COL9A1: variants seen among roughly 807,000 people sequenced by gnomAD.
The protein encoded by COL9A1 is collagen type IX alpha 1 chain.
COL9A1 carries 104 observed loss-of-function variants against 142.6 expected under a neutral mutation model. The ratio of observed to expected loss-of-function variants is 0.73; its 90% confidence interval spans 0.62 to 0.86. The LOEUF is 0.86. COL9A1 is among the 40% of genes least tolerant of loss of function. The pLI, the probability that COL9A1 is intolerant of heterozygous loss-of-function variation, is 0.00. For synonymous variants in COL9A1, 466 were observed against 396.0 expected, an observed-to-expected ratio of 1.18 and a Z score of -2.10; for missense variants, 1,210 against 1,176.6, an observed-to-expected ratio of 1.03 and a Z score of -0.42.
chr6:70,267,339 T>TTTTTTTTTTTTTG (rs1583295271), intron 17 of COL9A1, among the ~76,000 whole-genome samples: 1 of 150,084 alleles, frequency 6.7e-6, no homozygotes. Context: ...TTTTTTTTTT[T>TTTTTTTTTTTTTG]GAGATGGAGC....
chr6:70,255,041 T>C lies in COL9A1; in HGVS notation c.1612-25A>G, dbSNP rs142559198. 812 of 1,613,978 alleles carry C rather than the reference T, an allele frequency of 5.0e-4. 6 individuals are homozygous for C. The African/African-American group carries it at 8.1e-3, about 16-fold the overall frequency. ...CCTAAACACACACAAAGAAACATAC[T>C]GTCTCTTACACACAGTCACATTCTT... On this transcript the variant is annotated intron_variant, in intron 23 of 37. Coordinates refer to ENST00000357250, the MANE Select transcript of COL9A1 (RefSeq NM_001851.6).
chr6:70,226,910 C>T (rs1769265726), intron 36 of COL9A1, among the ~76,000 whole-genome samples: 2 of 151,970 alleles, frequency 1.3e-5, no homozygotes, highest in African/African-American at 4.8e-5. Context: ...AGAAAAGCAA[C>T]ATGAAGGGAA....
rs553728775 is a variant in COL9A1 at position 70,266,470 on chromosome 6, G to C, written c.1341+247C>G. 2.0e-5 allele frequency among the ~76,000 whole-genome samples: 3 copies of C among 152,170 alleles called. No individual in the cohort carries two copies. The South Asian group carries it at 6.2e-4, about 32-fold the overall frequency. ...TGATTGATTTGAAAAGAAAAGAAAA[G>C]GTAGTGACAGAAAAAAATGAAAATG... On this transcript the variant is annotated intron_variant, in intron 18 of 37. Transcript: ENST00000357250.
intron 20 of COL9A1, among the ~76,000 whole-genome samples, chr6:70,259,534 G>A (rs1438872466): frequency 6.6e-6 from 1 of 152,130 alleles, no homozygotes; most frequent in Non-Finnish European, 1.5e-5. Context: ...ATGCTGTGAT[G>A]ATAATCACTC....
intron 10 of COL9A1, chr6:70,280,217 A>T (rs1164907384): frequency 1.0e-6 from 1 of 990,860 alleles, no homozygotes; most frequent in African/African-American, 1.7e-5. Flanking sequence ...TCTGCCAGTA[A>T]TGCCAGCCAG....
At chr6:70,261,047 C>T (rs1393146389) in intron 19 of COL9A1, 3 of 226,426 alleles carry the variant, frequency 1.3e-5, no homozygotes, top group African/African-American at 2.3e-5. Flanking sequence ...CTATCATTCC[C>T]ACTTCCTTCA....
chr6:70,292,862 A>G (rs539425758), intron 5 of COL9A1, among the ~76,000 whole-genome samples: 1 of 152,298 alleles, frequency 6.6e-6, no homozygotes, highest in South Asian at 2.1e-4. Flanking sequence ...CAGTAGTCCA[A>G]TCGGCTTTCT....
intron 33 of COL9A1, among the ~76,000 whole-genome samples, chr6:70,236,112 CAAAAAAAAAAAAAA>C (rs368419095): frequency 6.1e-5 from 3 of 49,012 alleles, no homozygotes; most frequent in East Asian, 1.6e-3. Flanking sequence ...GACTCCATCT[CAAAAAAAAAAAAAA>C]AAAAAAAAAA....
At chr6:70,230,680 A>G (rs1478549289) in intron 36 of COL9A1, among the ~76,000 whole-genome samples, 2 of 152,176 alleles carry the variant, frequency 1.3e-5, no homozygotes, top group African/African-American at 4.8e-5. Flanking sequence ...AGCTTCCCCA[A>G]ACTATTCACC....
At chr6:70,249,874 T>C (rs996486080) in intron 28 of COL9A1, among the ~76,000 whole-genome samples, 5 of 152,118 alleles carry the variant, frequency 3.3e-5, no homozygotes, top group African/African-American at 1.2e-4. Context: ...CTCTCCCTAC[T>C]CCATGTCATG....
At chr6:70,232,535 T>A in intron 36 of COL9A1, 48 bp downstream of exon 36, 1 of 1,589,454 alleles carries the variant, frequency 6.3e-7, no homozygotes. Context: ...AGATTATACA[T>A]CTGAAAAAGG....
intron 7 of COL9A1, among the ~76,000 whole-genome samples, chr6:70,281,778 C>T (rs1773183771): frequency 6.6e-6 from 1 of 152,088 alleles, no homozygotes; most frequent in Non-Finnish European, 1.5e-5. Flanking sequence ...GGTCTAACGC[C>T]TTTGTATCCT....
intron 14 of COL9A1, among the ~76,000 whole-genome samples, chr6:70,270,578 A>C (rs1205215264): frequency 1.3e-5 from 2 of 152,226 alleles, no homozygotes; most frequent in African/African-American, 4.8e-5. Context: ...CCGAGGTAAT[A>C]AAACAAGTCA....
rs1770261041 is a variant in COL9A1 at position 70,241,553 on chromosome 6, A to C, written c.1999-99T>G. 3.0e-6 allele frequency: 3 copies of C among 983,818 alleles called. No individual in the cohort carries two copies. In the Admixed American group the frequency reaches 5.4e-5, roughly 18 times the overall value. The allele number at this position is 983,818 out of a possible 1,614,324, so 60.9% of individuals were successfully genotyped here. On this transcript the variant is annotated intron_variant, in intron 30 of 37. Coordinates refer to ENST00000357250, the MANE Select transcript of COL9A1 (RefSeq NM_001851.6). ...TGGGTGGATAAGCACAAGTACGGAT[A>C]ATGTGATGGGAGAGGACGTTCCCAC...
intron 10 of COL9A1, among the ~76,000 whole-genome samples, chr6:70,278,944 T>C (rs1772937990): frequency 6.6e-6 from 1 of 152,164 alleles, no homozygotes; most frequent in South Asian, 2.1e-4. Flanking sequence ...ACTATTAAAT[T>C]GGGGGACAGA....
chr6:70,218,751 A>C (rs1298157420), intron 37 of COL9A1, among the ~76,000 whole-genome samples: 1 of 116,606 alleles, frequency 8.6e-6, no homozygotes, highest in Admixed American at 9.4e-5. Context: ...TATATCTCAC[A>C]TATTTTTAGA....
chr6:70,275,159 C>G (rs1452425283), intron 10 of COL9A1: 1 of 229,050 alleles, frequency 4.4e-6, no homozygotes, highest in East Asian at 1.1e-4. Flanking sequence ...TCCTTTACTT[C>G]ATTTATGAAA....
chr6:70,221,590 T>C (rs1768883715), intron 37 of COL9A1, among the ~76,000 whole-genome samples: 1 of 152,194 alleles, frequency 6.6e-6, no homozygotes, highest in African/African-American at 2.4e-5. Flanking sequence ...AATACTCTTA[T>C]AACCTAGCAT....
At chr6:70,289,766 C>T (rs1429259786) in intron 5 of COL9A1, among the ~76,000 whole-genome samples, 1 of 152,110 alleles carries the variant, frequency 6.6e-6, no homozygotes, top group African/African-American at 2.4e-5. Context: ...AGATAGTATG[C>T]ATTTCCTAAA....
Sources: gnomAD v4.1 joint callset for allele counts (sites outside exome capture counted in the v4.1 genomes callset) on GRCh38, gnomAD v4.1.1 for gene constraint, MANE v1.5 for transcripts, NCBI Gene and HGNC (gene_info 2026-07-23, HGNC 2026-07-21) for gene names.